The following MYO16 variants were observed in gnomAD, a reference collection of about 807,000 sequenced individuals.
The protein encoded by MYO16 is myosin XVI, also known as unconventional myosin-XVI.
MYO16 carries 94 observed loss-of-function variants against 205.3 expected under a neutral mutation model. That is an observed-to-expected ratio of 0.46 (90% CI 0.39 to 0.54). The LOEUF is 0.54. Ranked by LOEUF, MYO16 falls within the 20% of genes least tolerant of loss-of-function variation. The pLI is 0.00. For missense variants in MYO16, 2,315 were observed against 2,387.5 expected (o/e 0.97, Z 0.63); for synonymous variants, 988 against 954.0 (o/e 1.04, Z -0.66).
At chr13:108,978,732 CCT>C (rs1884355666) in intron 20 of MYO16, among the ~76,000 whole-genome samples, 1 of 151,952 alleles carries the variant, frequency 6.6e-6, no homozygotes, top group Admixed American at 6.6e-5. Flanking sequence ...CTCTTTTCTT[CCT>C]CTGTTTTTTC....
At chr13:108,605,801 C>G (rs550563960) in intron 1 of MYO16, among the ~76,000 whole-genome samples, 1 of 152,062 alleles carries the variant, frequency 6.6e-6, no homozygotes, top group Non-Finnish European at 1.5e-5. Flanking sequence ...TATAAAGTTA[C>G]CTGAAAATGT....
At chr13:108,595,097 G>T (rs1482223442), upstream of MYO16, among the ~76,000 whole-genome samples, 1 of 152,118 alleles carries the variant, frequency 6.6e-6, no homozygotes, top group Admixed American at 6.5e-5. Flanking sequence ...TTGACTCTCT[G>T]AACTCTAAAG....
chr13:108,605,416 C>T (rs577789705), intron 1 of MYO16, among the ~76,000 whole-genome samples: 1 of 152,276 alleles, frequency 6.6e-6, no homozygotes, highest in East Asian at 1.9e-4. Flanking sequence ...CCACCCAAAT[C>T]TCATCTTGCA....
intron 34 of MYO16, among the ~76,000 whole-genome samples, chr13:109,202,444 C>T (rs1455624952): frequency 6.6e-6 from 1 of 152,050 alleles, no homozygotes; most frequent in Non-Finnish European, 1.5e-5. Context: ...TTAGCATTTC[C>T]CTCACCAGTA....
At chr13:108,628,920 A>G (rs1449900872), upstream of MYO16, among the ~76,000 whole-genome samples, 4 of 152,212 alleles carry the variant, frequency 2.6e-5, no homozygotes, top group Non-Finnish European at 5.9e-5. Flanking sequence ...GAATTTGTAA[A>G]CAACTTAAAA....
intron 34 of MYO16, among the ~76,000 whole-genome samples, chr13:109,199,927 G>C (rs1465411217): frequency 6.6e-6 from 1 of 152,120 alleles, no homozygotes; most frequent in South Asian, 2.1e-4. Context: ...TAAATGCTTT[G>C]TATTGTTTAT....
At chr13:108,559,858 A>G in the MYO16 span, among the ~76,000 whole-genome samples, 1 of 152,178 alleles carries the variant, frequency 6.6e-6, no homozygotes, top group Non-Finnish European at 1.5e-5. Context: ...AACAAGGTGC[A>G]GGAACACTAA....
At chr13:109,026,264 G>A (rs1232271872) in intron 23 of MYO16, among the ~76,000 whole-genome samples, 1 of 152,160 alleles carries the variant, frequency 6.6e-6, no homozygotes, top group Non-Finnish European at 1.5e-5. Context: ...CAGATCTTGA[G>A]ATGAGGAGAT....
At chr13:108,881,221 G>A (rs1879599404) in intron 12 of MYO16, among the ~76,000 whole-genome samples, 1 of 152,228 alleles carries the variant, frequency 6.6e-6, no homozygotes, top group Admixed American at 6.5e-5. Flanking sequence ...ACCTGCAGCT[G>A]AGGGTCCTGA....
intron 27 of MYO16, among the ~76,000 whole-genome samples, chr13:109,081,352 C>A (rs9301349): frequency 6.6e-6 from 1 of 151,892 alleles, no homozygotes; most frequent in African/African-American, 2.4e-5. Context: ...CTCAAAGACA[C>A]CTCCATGAAA....
chr13:109,114,409 G>C (rs565974913), intron 28 of MYO16, among the ~76,000 whole-genome samples: 2 of 152,326 alleles, frequency 1.3e-5, no homozygotes, highest in East Asian at 3.9e-4. Flanking sequence ...GGAGCCTAGA[G>C]AGCTCCGATT....
chr13:109,040,715 T>G (rs1886859415), intron 23 of MYO16, among the ~76,000 whole-genome samples: 1 of 152,148 alleles, frequency 6.6e-6, no homozygotes, highest in African/African-American at 2.4e-5. Flanking sequence ...AAAGATAACC[T>G]GAACTTGATA....
At chr13:108,854,099 T>G (rs1878043941) in intron 10 of MYO16, among the ~76,000 whole-genome samples, 1 of 152,028 alleles carries the variant, frequency 6.6e-6, no homozygotes, top group African/African-American at 2.4e-5. Context: ...GTTCAAGCAA[T>G]TCTCGTGCCT....
chr13:108,680,946 A>G (rs1309257687), intron 2 of MYO16, among the ~76,000 whole-genome samples: 1 of 152,222 alleles, frequency 6.6e-6, no homozygotes, highest in Non-Finnish European at 1.5e-5. Context: ...TCTTGCCAAT[A>G]TGATTTTTGA....
intron 21 of MYO16, among the ~76,000 whole-genome samples, chr13:109,007,345 G>A (rs980053270): frequency 5.3e-5 from 8 of 151,318 alleles, no homozygotes; most frequent in Non-Finnish European, 1.2e-4. Context: ...CCGAGATGGC[G>A]CCACTGCACT....
At chr13:108,507,984 T>G in the MYO16 span, among the ~76,000 whole-genome samples, 1 of 152,086 alleles carries the variant, frequency 6.6e-6, no homozygotes, top group Non-Finnish European at 1.5e-5. Flanking sequence ...CCAGAAATTT[T>G]TTTTTAATGT....
At position 109,022,528 on chromosome 13, in the gene MYO16, CA is replaced by C. The variant is rs1886096105; in HGVS notation, c.2796+2619del. ...CATATGTATATATTTGTTATATATA[CA>C]ATATAAACATATGTATATATTTCTA... On this transcript the variant is annotated intron_variant, in intron 23 of 34. Transcript: ENST00000457511. Among the ~76,000 whole-genome samples the C allele has an allele frequency of 5.5e-4, 69 of 125,292 alleles. 1 individual carries two copies. Among genetic ancestry groups the C allele is most frequent in the African/African-American group, 2.1e-3 (65 of 31,376 alleles). The allele number at this position is 125,292 out of a possible 152,430, so 82.2% of individuals were successfully genotyped here. A position where few individuals can be genotyped will look rare whatever the true frequency, so the allele number is the denominator to read the frequency against.
At chr13:108,997,334 AAGAAAGAGAGAGAGAGAG>A (rs1885049892) in intron 21 of MYO16, among the ~76,000 whole-genome samples, 3 of 5,160 alleles carry the variant, frequency 5.8e-4, no homozygotes, top group African/African-American at 9.4e-4. Flanking sequence ...GAAAGAAAGA[AAGAAAGAGAGAGAGAGAG>A]AGAGAGAGAG....
chr13:109,011,207 C>T (rs1885585046), intron 22 of MYO16, among the ~76,000 whole-genome samples: 1 of 151,940 alleles, frequency 6.6e-6, no homozygotes, highest in African/African-American at 2.4e-5. Flanking sequence ...TGCAGGCATT[C>T]CTACTTCCTT....
Sources: gnomAD v4.1 joint callset for allele counts (sites outside exome capture counted in the v4.1 genomes callset) on GRCh38, gnomAD v4.1.1 for gene constraint, MANE v1.5 for transcripts, NCBI Gene and HGNC (gene_info 2026-07-23, HGNC 2026-07-21) for gene names.